DENND5A: variants seen among roughly 807,000 people sequenced by gnomAD.
DENND5A encodes the protein DENN domain containing 5A.
A neutral mutation model predicts 140.3 loss-of-function variants in DENND5A; 64 were observed. The observed-to-expected ratio is 0.46, with a 90% CI of 0.37 to 0.56. The LOEUF is 0.56. Among genes scored for constraint, DENND5A ranks in the 20% least tolerant of loss-of-function variants. The pLI is 0.00. For synonymous variants in DENND5A, 605 were observed against 607.7 expected (o/e 1.00, Z 0.07); for missense variants, 1,292 against 1,593.8 (o/e 0.81, Z 3.22).
intron 8 of DENND5A, chr11:9,172,042 A>C (rs1034906598): frequency 2.0e-5 from 3 of 152,232 alleles, no homozygotes; most frequent in Non-Finnish European, 4.4e-5. Context: ...ATCCCAAAGA[A>C]GCCACAGAGA....
chr11:9,171,529 C>T (rs1192675277), intron 8 of DENND5A: 3 of 152,114 alleles, frequency 2.0e-5, no homozygotes, highest in African/African-American at 7.2e-5. Context: ...ATGGAAGTGT[C>T]CAGGACTCAA....
intron 1 of DENND5A, among the ~76,000 whole-genome samples, chr11:9,226,312 C>T (rs1439523766): frequency 6.6e-6 from 1 of 152,068 alleles, no homozygotes; most frequent in Non-Finnish European, 1.5e-5. Flanking sequence ...TATCTAGAAC[C>T]CTACGGTATA....
At chr11:9,168,498 G>C (rs1404408710) in intron 10 of DENND5A, among the ~76,000 whole-genome samples, 2 of 152,122 alleles carry the variant, frequency 1.3e-5, no homozygotes, top group Non-Finnish European at 2.9e-5. Flanking sequence ...CATGAAAACA[G>C]ACTAATACAC....
chr11:9,170,730 G>C lies in DENND5A; in HGVS notation c.1954C>G (p.His652Asp). Residue 652 changes from histidine (H) to aspartate (D), a missense_variant, in exon 9 of 23, where the codon CAC (histidine) becomes GAC (aspartate). By Grantham distance (81) the His-to-Asp change is moderately conservative (BLOSUM62 -1). Coordinates refer to ENST00000328194, the MANE Select transcript of DENND5A (RefSeq NM_015213.4). ...RLAKIDHTAIHPHLLDMKIGQ... is the reference protein window; with the variant it reads ...RLAKIDHTAIDPHLLDMKIGQ... The stretch of plus-strand genomic sequence containing the variant: ...ATCTTCATGTCAAGTAAATGTGGGT[G>C]AATTGCAGTATGGTCAATTTTTGCC... 1.2e-6 allele frequency: 2 copies of C among 1,613,982 alleles called. No individual in the cohort carries two copies. The highest frequency in any genetic ancestry group is 1.7e-6 in the Non-Finnish European group (2 of 1,180,000).
Position 9,202,508 on chromosome 11 carries a change from T to C in DENND5A, c.949+1152A>G, listed in dbSNP as rs538197188. On this transcript the variant is annotated intron_variant, in intron 4 of 22. Coordinates refer to ENST00000328194, the MANE Select transcript of DENND5A (RefSeq NM_015213.4). ...CAATTGGTGAATTTGGGATAGGTTA[T>C]ACAAGAGTCCTTTGAATACCCCTCG... 1.2e-3 allele frequency among the ~76,000 whole-genome samples: 184 copies of C among 152,328 alleles called. 1 individual carries two copies. Among genetic ancestry groups the C allele is most frequent in the Non-Finnish European group, 2.1e-3 (146 of 68,028 alleles).
chr11:9,243,747 G>A (rs1349503758), intron 1 of DENND5A, among the ~76,000 whole-genome samples: 5 of 152,000 alleles, frequency 3.3e-5, no homozygotes, highest in African/African-American at 9.7e-5. Context: ...TTAGCCGGGC[G>A]TGGTGGTGGG....
At chr11:9,221,592 C>T (rs115364965) in intron 1 of DENND5A, among the ~76,000 whole-genome samples, 5,052 of 152,194 alleles carry the variant, frequency 0.033, 293 homozygotes, top group African/African-American at 0.11. Flanking sequence ...TCTTGAACTC[C>T]TGACCTCAGG....
At chr11:9,192,638 C>CA (rs141358183) in intron 5 of DENND5A, among the ~76,000 whole-genome samples, 30,402 of 140,614 alleles carry the variant, frequency 0.22, 3,402 homozygotes, top group African/African-American at 0.3. Flanking sequence ...AAAAAAAAAA[C>CA]AAAAAAAAAC....
chr11:9,240,011 C>T (rs1851167148), intron 1 of DENND5A, among the ~76,000 whole-genome samples: 1 of 152,144 alleles, frequency 6.6e-6, no homozygotes, highest in South Asian at 2.1e-4. Context: ...CAGAGCTACG[C>T]CCTCTATAGT....
chr11:9,238,487 G>A (rs1851096365), intron 1 of DENND5A, among the ~76,000 whole-genome samples: 1 of 151,654 alleles, frequency 6.6e-6, no homozygotes, highest in Admixed American at 6.6e-5. Context: ...CGCCATCTCG[G>A]CTCACTGCAA....
In DENND5A at chr11:9,145,125, T is replaced by C. The variant is rs781671147; in HGVS notation, c.3004-12A>G. On this transcript the variant is annotated splice_polypyrimidine_tract_variant and intron_variant, in intron 17 of 22. Transcript: ENST00000328194. ...CCCAAGTTCTGGCACTATTAGAGAATAGAGAAGATGAGGTAGGTCAGGAAA... is the reference window on the plus strand; with the variant it reads ...CCCAAGTTCTGGCACTATTAGAGAACAGAGAAGATGAGGTAGGTCAGGAAA... The C allele has an allele frequency of 9.5e-6, 15 of 1,574,708 alleles. No homozygotes were observed. Among genetic ancestry groups the C allele is most frequent in the East Asian group, 4.5e-5 (2 of 44,706 alleles).
At chr11:9,162,109 G>A (rs1306304567) in intron 11 of DENND5A, among the ~76,000 whole-genome samples, 1 of 151,100 alleles carries the variant, frequency 6.6e-6, no homozygotes, top group South Asian at 2.1e-4. Context: ...CTACTTTTCA[G>A]AAGCAACAAC....
At chr11:9,255,359 G>A (rs1285875447) in intron 1 of DENND5A, among the ~76,000 whole-genome samples, 1 of 152,132 alleles carries the variant, frequency 6.6e-6, no homozygotes, top group East Asian at 1.9e-4. Flanking sequence ...GGGAGGCCAA[G>A]TCGGGAGTAT....
intron 1 of DENND5A, among the ~76,000 whole-genome samples, chr11:9,208,364 T>A (rs1161225757): frequency 6.6e-6 from 1 of 152,230 alleles, no homozygotes; most frequent in Admixed American, 6.5e-5. Flanking sequence ...TAAATTCTGT[T>A]ACAAATGTAG....
intron 2 of DENND5A, chr11:9,207,043 G>T (rs968388219): frequency 2.1e-6 from 1 of 482,806 alleles, no homozygotes; most frequent in African/African-American, 2.0e-5. Context: ...AAACCCAATG[G>T]TTAATTTTCA....
rs752188257 is a variant in DENND5A at position 9,166,066 on chromosome 11, ATTTTCTTTTT to A, written c.2152-109_2152-100del. On this transcript the variant is annotated intron_variant, in intron 10 of 22. Coordinates refer to ENST00000328194, the MANE Select transcript of DENND5A (RefSeq NM_015213.4). ...CCTGAAGAGGGCATTATTTTCTCACATTTTCTTTTTTTTTCTTTTTCTTTTTTTTTTTGAG... is the reference window on the plus strand; with the variant it reads ...CCTGAAGAGGGCATTATTTTCTCACATTTTCTTTTTCTTTTTTTTTTTGAG... 923 of 1,123,080 alleles carry A rather than the reference ATTTTCTTTTT, an allele frequency of 8.2e-4. 2 individuals carry two copies. Among genetic ancestry groups the A allele is most frequent in the South Asian group, 4.8e-3 (306 of 63,668 alleles). 69.6% of individuals were successfully genotyped at this position (1,123,080 alleles called of 1,614,324 possible).
chr11:9,238,514 T>A (rs1229605177), intron 1 of DENND5A, among the ~76,000 whole-genome samples: 2 of 151,638 alleles, frequency 1.3e-5, no homozygotes, highest in African/African-American at 4.9e-5. Context: ...CTTCCCGGGT[T>A]CACGCCATTC....
intron 1 of DENND5A, among the ~76,000 whole-genome samples, chr11:9,226,450 T>C (rs1314441471): frequency 6.6e-6 from 1 of 152,188 alleles, no homozygotes; most frequent in Non-Finnish European, 1.5e-5. Flanking sequence ...ATAATTTACC[T>C]TGACAATGGG....
rs1564897833 is a variant in DENND5A, at chr11:9,177,042, C to T, written c.1906+1090G>A. ...TGCAGAGGTGGGAGAACTGCTTGAG[C>T]CCAAGAGTTCGAGGCCAGCCTGGGC... On this transcript the variant is annotated intron_variant, in intron 8 of 22. Coordinates refer to ENST00000328194, the MANE Select transcript of DENND5A (RefSeq NM_015213.4). 1.0e-5 allele frequency: 4 copies of T among 397,286 alleles called. No individual in the cohort carries two copies. The East Asian group carries it at 2.9e-4, about 29-fold the overall frequency. The allele number at this position is 397,286 out of a possible 1,614,324, so 24.6% of individuals were successfully genotyped here.
Sources: allele counts gnomAD v4.1 joint callset (sites outside exome capture counted in the v4.1 genomes callset), GRCh38; gene constraint gnomAD v4.1.1; transcripts MANE v1.5; gene names NCBI Gene and HGNC (gene_info 2026-07-23, HGNC 2026-07-21).